The following COL24A1 variants were observed in gnomAD, a reference collection of about 807,000 sequenced individuals.
The protein encoded by COL24A1 is collagen alpha-1(XXIV) chain.
COL24A1 carries 224 observed loss-of-function variants against 253.9 expected under a neutral mutation model. The observed-to-expected ratio is 0.88, with a 90% confidence interval of 0.79 to 0.99. The LOEUF (loss-of-function observed/expected upper bound fraction) is 0.99. COL24A1 is among the 50% of genes least tolerant of loss of function. COL24A1 has a pLI of 0.00. For synonymous variants in COL24A1, 685 were observed against 673.7 expected (o/e 1.02, Z -0.26); for missense variants, 2,131 against 2,068.5 (o/e 1.03, Z -0.59).
At chr1:85,958,483 A>G (rs114734131) in intron 24 of COL24A1, among the ~76,000 whole-genome samples, 2,315 of 152,258 alleles carry the variant, frequency 0.015, 50 homozygotes, top group African/African-American at 0.053. Context: ...ATGTTTAAAA[A>G]TGTGCCTGCT....
chr1:86,088,176 G>A (rs1380897459), intron 7 of COL24A1, among the ~76,000 whole-genome samples: 1 of 152,056 alleles, frequency 6.6e-6, no homozygotes, highest in African/African-American at 2.4e-5. Context: ...TTACAAATGA[G>A]GTAACTGAAG....
intron 12 of COL24A1, among the ~76,000 whole-genome samples, chr1:86,038,186 C>A (rs1320613945): frequency 1.3e-5 from 2 of 152,030 alleles, no homozygotes; most frequent in East Asian, 1.9e-4. Flanking sequence ...CCAATTGCAA[C>A]TGTTTGCAAA....
rs1436711264 is a variant in COL24A1 at position 86,046,865 on chromosome 1, A to G, written c.1910T>C (p.Ile637Thr). The change falls in exon 12 of 60, where the codon ATT becomes ACT. Residue 637 changes from isoleucine (I) to threonine (T), a missense_variant. Physicochemically the swap from Ile to Thr is moderately conservative, Grantham distance 89 (BLOSUM62 -1). Coordinates refer to ENST00000370571, the MANE Select transcript of COL24A1 (RefSeq NM_152890.7). ...GQLGPEGERG[I>T]PGIRGKKGFK... The stretch of plus-strand genomic sequence containing the variant: ...ACCCTTCTTTCCACGGATCCCAGGA[A>G]TGCCCTAGAATATAGAAAAGAAAAA... 2.0e-6 allele frequency: 3 copies of G among 1,506,646 alleles called. No homozygotes were observed. Among genetic ancestry groups the G allele is most frequent in the African/African-American group, 1.4e-5 (1 of 72,814 alleles). 93.3% of individuals were successfully genotyped at this position (1,506,646 alleles called of 1,614,324 possible).
chr1:86,135,631 A>G (rs7518400), intron 2 of COL24A1, among the ~76,000 whole-genome samples: 149,199 of 152,092 alleles, frequency 0.98, 73,249 homozygotes, highest in Middle Eastern at 1. Context: ...GATTTATGAG[A>G]TAATTTTTGT....
At chr1:86,093,828 G>A (rs1432861282) in intron 5 of COL24A1, among the ~76,000 whole-genome samples, 2 of 151,896 alleles carry the variant, frequency 1.3e-5, no homozygotes, top group African/African-American at 4.8e-5. Flanking sequence ...AGTGTGCAAG[G>A]GATATGAAAA....
At chr1:85,831,167 A>G (rs1675232359) in intron 43 of COL24A1, among the ~76,000 whole-genome samples, 1 of 152,104 alleles carries the variant, frequency 6.6e-6, no homozygotes, top group African/African-American at 2.4e-5. Context: ...TTAGCAAAAC[A>G]TGAGCAGAGC....
intron 3 of COL24A1, among the ~76,000 whole-genome samples, chr1:86,120,451 A>G (rs1397624948): frequency 6.6e-6 from 1 of 152,210 alleles, no homozygotes; most frequent in Non-Finnish European, 1.5e-5. Flanking sequence ...ACAAGAAAAA[A>G]TCAAACAACC....
chr1:86,076,786 C>T (rs1386569407), intron 7 of COL24A1, among the ~76,000 whole-genome samples: 1 of 152,134 alleles, frequency 6.6e-6, no homozygotes, highest in Non-Finnish European at 1.5e-5. Flanking sequence ...AACTGGCTAG[C>T]CATATGCAGA....
intron 10 of COL24A1, among the ~76,000 whole-genome samples, chr1:86,054,979 C>T (rs1700565517): frequency 6.6e-6 from 1 of 152,052 alleles, no homozygotes; most frequent in African/African-American, 2.4e-5. Context: ...GAACAAAATC[C>T]TATCCTTTGC....
At position 86,126,090 on chromosome 1, in the gene COL24A1, G is replaced by C; in HGVS notation, c.246C>G (p.Val82=). The C allele has an allele frequency of 6.2e-7, 1 of 1,613,404 alleles. No homozygotes were observed. The highest frequency in any genetic ancestry group is 8.5e-7 in the Non-Finnish European group (1 of 1,179,750). Residue 82 remains valine (V), a synonymous_variant, in exon 3 of 60, where the codon GTC becomes GTG. Coordinates refer to ENST00000370571, the MANE Select transcript of COL24A1 (RefSeq NM_152890.7). ...CGATATAAGCATCATTTTTAAAAATGACTCCTGATTCTGTTAAATGGACCC... is the reference window on the plus strand; with the variant it reads ...CGATATAAGCATCATTTTTAAAAATCACTCCTGATTCTGTTAAATGGACCC... ...PQGVHLTESG[V]IFKNDAYIET... is the part of the protein sequence containing the mutation.
intron 47 of COL24A1, among the ~76,000 whole-genome samples, chr1:85,809,851 T>A (rs1672354320): frequency 6.7e-6 from 1 of 150,180 alleles, no homozygotes; most frequent in Non-Finnish European, 1.5e-5. Context: ...GGTATGCATT[T>A]CAGTGGCATT....
At chr1:85,801,784 G>T (rs890754134) in intron 47 of COL24A1, among the ~76,000 whole-genome samples, 1 of 152,168 alleles carries the variant, frequency 6.6e-6, no homozygotes, top group Non-Finnish European at 1.5e-5. Context: ...TCTAGCTGAG[G>T]ATATTTAATT....
chr1:86,131,076 A>G (rs1649100808), intron 2 of COL24A1, among the ~76,000 whole-genome samples: 1 of 151,978 alleles, frequency 6.6e-6, no homozygotes, highest in Admixed American at 6.6e-5. Flanking sequence ...AATATCTTGC[A>G]GCTGCTGTTC....
In COL24A1 at chr1:86,067,936, T is replaced by G. The variant is rs150402392; in HGVS notation, c.1708-4177A>C. ...GCATATGATTTTTCTCTGATTAGCATTCTGAAAACTGAATACATTCCTTAA... is the reference window on the plus strand; with the variant it reads ...GCATATGATTTTTCTCTGATTAGCAGTCTGAAAACTGAATACATTCCTTAA... On this transcript the variant is annotated intron_variant, in intron 7 of 59. Coordinates refer to ENST00000370571, the MANE Select transcript of COL24A1 (RefSeq NM_152890.7). Among the ~76,000 whole-genome samples, 53 of 152,372 alleles carry G rather than the reference T, an allele frequency of 3.5e-4. No individual in the cohort carries two copies. The East Asian group carries it at 9.2e-3, about 27-fold the overall frequency.
At chr1:86,093,061 T>C (rs183998729) in intron 5 of COL24A1, among the ~76,000 whole-genome samples, 2 of 152,174 alleles carry the variant, frequency 1.3e-5, no homozygotes, top group African/African-American at 4.8e-5. Flanking sequence ...TTTATTACCA[T>C]TCTCAACTAA....
intron 18 of COL24A1, among the ~76,000 whole-genome samples, chr1:86,019,563 A>T (rs1005155949): frequency 1.4e-4 from 21 of 150,866 alleles, no homozygotes; most frequent in South Asian, 4.2e-4. Context: ...GTCTCTAAAA[A>T]TTTTTTTTTT....
rs776721678 is a variant in COL24A1, at chr1:86,156,370, C to T, written c.27G>A (p.Arg9=). 3 of 1,612,978 alleles carry T rather than the reference C, an allele frequency of 1.9e-6. No individual in the cohort carries two copies. The highest frequency in any genetic ancestry group is 1.1e-5 in the South Asian group (1 of 90,824). The change falls in exon 1 of 60, where the codon AGG becomes AGA. Residue 9 remains arginine (R), a synonymous_variant. Coordinates refer to ENST00000370571, the MANE Select transcript of COL24A1 (RefSeq NM_152890.7). MHLRAHRT[R]RGKVSPTAKT... ...TTGCCGTGGGGGAGACTTTTCCACG[C>T]CTTGTTCTGTGGGCTCTTAAATGCA...
chr1:86,146,881 C>T (rs1651959067), intron 1 of COL24A1, among the ~76,000 whole-genome samples: 1 of 152,078 alleles, frequency 6.6e-6, no homozygotes, highest in South Asian at 2.1e-4. Flanking sequence ...TGTGACATTG[C>T]TAGTATAACC....
At chr1:85,763,817 G>A (rs1487144400) in intron 53 of COL24A1, among the ~76,000 whole-genome samples, 2 of 151,934 alleles carry the variant, frequency 1.3e-5, no homozygotes, top group Non-Finnish European at 2.9e-5. Flanking sequence ...TTTCTAAAGG[G>A]GAACCAAATT....
Sources: allele counts gnomAD v4.1 joint callset (sites outside exome capture counted in the v4.1 genomes callset), GRCh38; gene constraint gnomAD v4.1.1; transcripts MANE v1.5; gene names NCBI Gene and HGNC (gene_info 2026-07-23, HGNC 2026-07-21).